The following PHACTR1 variants were observed in gnomAD, a reference collection of about 807,000 sequenced individuals.
The protein encoded by PHACTR1 is RPEL repeat containing 1.
Under a neutral mutation model 69.2 loss-of-function variants are expected in PHACTR1, and 16 were observed. The ratio of observed to expected loss-of-function variants is 0.23; its 90% confidence interval spans 0.16 to 0.35. The LOEUF (loss-of-function observed/expected upper bound fraction) is 0.35, where lower values mean the gene tolerates loss of function less well. Among genes scored for constraint, PHACTR1 ranks in the 10% least tolerant of loss-of-function variants. PHACTR1 has a pLI of 1.00. For synonymous variants in PHACTR1, 312 were observed against 284.5 expected, an observed-to-expected ratio of 1.10 and a Z score of -0.97; for missense variants, 510 against 734.7, an observed-to-expected ratio of 0.69 and a Z score of 3.54.
intron 4 of PHACTR1, among the ~76,000 whole-genome samples, chr6:12,883,104 A>T (rs1258575127): frequency 6.6e-6 from 1 of 152,180 alleles, no homozygotes; most frequent in Non-Finnish European, 1.5e-5. Context: ...AGTCAGAGTT[A>T]TGGAGTTGGG....
intron 10 of PHACTR1, among the ~76,000 whole-genome samples, chr6:13,250,392 C>T (rs79551355): frequency 1.2e-3 from 190 of 152,282 alleles, no homozygotes; most frequent in African/African-American, 4.4e-3. Flanking sequence ...AGTCCAGATC[C>T]GCCTGTGAAG....
chr6:12,739,375 G>C (rs1332495668), intron 3 of PHACTR1, among the ~76,000 whole-genome samples: 1 of 152,070 alleles, frequency 6.6e-6, no homozygotes. Context: ...ATGCTGATAT[G>C]TATAAAGACA....
intron 4 of PHACTR1, among the ~76,000 whole-genome samples, chr6:12,828,894 T>C (rs1051010285): frequency 6.6e-6 from 1 of 151,892 alleles, no homozygotes; most frequent in Non-Finnish European, 1.5e-5. Flanking sequence ...AGTTTTAGGG[T>C]TGTATAGTAC....
intron 4 of PHACTR1, among the ~76,000 whole-genome samples, chr6:12,822,256 G>A (rs928273059): frequency 6.6e-6 from 1 of 152,186 alleles, no homozygotes; most frequent in Non-Finnish European, 1.5e-5. Context: ...AACTGGCCTG[G>A]AGCTGTTCTA....
chr6:12,957,763 C>G, intron 4 of PHACTR1: 1 of 985,498 alleles, frequency 1.0e-6, no homozygotes, highest in Non-Finnish European at 1.2e-6. Flanking sequence ...TGAGTTGAAT[C>G]CATCCCCCGA....
intron 6 of PHACTR1, among the ~76,000 whole-genome samples, chr6:13,168,764 A>T (rs1481281413): frequency 6.6e-6 from 1 of 152,134 alleles, no homozygotes; most frequent in African/African-American, 2.4e-5. Context: ...AAGCTGAAGG[A>T]CCAGTCCAGT....
At chr6:12,962,259 G>A (rs970839019) in intron 4 of PHACTR1, among the ~76,000 whole-genome samples, 3 of 152,010 alleles carry the variant, frequency 2.0e-5, no homozygotes, top group East Asian at 1.9e-4. Flanking sequence ...AGTCATATTG[G>A]ATTATCCCTC....
intron 4 of PHACTR1, among the ~76,000 whole-genome samples, chr6:13,011,443 T>A (rs1219948316): frequency 6.6e-6 from 1 of 152,196 alleles, no homozygotes; most frequent in Non-Finnish European, 1.5e-5. Context: ...GTAAACTTCA[T>A]ACCTTTTATA....
intron 5 of PHACTR1, 119 bp from the exon 6 acceptor site, chr6:13,160,085 G>A: frequency 2.4e-6 from 2 of 849,084 alleles, no homozygotes; most frequent in South Asian, 1.4e-5. Context: ...CATTAGCAAA[G>A]CACGATTTAC....
chr6:13,218,037 A>G (rs2127264725), intron 8 of PHACTR1, among the ~76,000 whole-genome samples: 1 of 152,370 alleles, frequency 6.6e-6, no homozygotes, highest in East Asian at 1.9e-4. Flanking sequence ...TTTGTAGATA[A>G]TAAATTTTCT....
chr6:12,902,236 A>G (rs929353611), intron 4 of PHACTR1, among the ~76,000 whole-genome samples: 7 of 152,208 alleles, frequency 4.6e-5, no homozygotes, highest in Middle Eastern at 6.3e-3. Context: ...CAGCCTGGCC[A>G]AAATGGCGAA....
chr6:13,025,043 C>T (rs1427947320), intron 4 of PHACTR1, among the ~76,000 whole-genome samples: 1 of 152,014 alleles, frequency 6.6e-6, no homozygotes, highest in African/African-American at 2.4e-5. Context: ...ACTGCTTGAG[C>T]CCAGGAGTTC....
At chr6:12,808,848 C>G (rs1021752691) in intron 4 of PHACTR1, among the ~76,000 whole-genome samples, 1 of 151,142 alleles carries the variant, frequency 6.6e-6, no homozygotes, top group East Asian at 1.9e-4. Context: ...CCTCCTCCTC[C>G]TCCTTCTTCT....
intron 4 of PHACTR1, among the ~76,000 whole-genome samples, chr6:13,003,707 C>G (rs1268402669): frequency 2.0e-5 from 3 of 151,802 alleles, no homozygotes; most frequent in African/African-American, 7.3e-5. Flanking sequence ...ATAGTACCCA[C>G]TAAATAACTT....
intron 4 of PHACTR1, among the ~76,000 whole-genome samples, chr6:12,806,886 A>G (rs1774410633): frequency 6.6e-6 from 1 of 152,202 alleles, no homozygotes; most frequent in East Asian, 1.9e-4. Context: ...AGAATTGTGA[A>G]TTTGTTTGCA....
chr6:13,277,387 A>G (rs1779140164), intron 11 of PHACTR1, among the ~76,000 whole-genome samples: 2 of 152,214 alleles, frequency 1.3e-5, no homozygotes, highest in Non-Finnish European at 2.9e-5. Flanking sequence ...TGTGGACTTC[A>G]TGGAAGATTC....
intron 4 of PHACTR1, among the ~76,000 whole-genome samples, chr6:12,930,588 G>A (rs966725233): frequency 1.3e-4 from 20 of 152,200 alleles, no homozygotes; most frequent in Non-Finnish European, 2.2e-4. Context: ...AGAGAGCACA[G>A]GAGCCTGAAT....
At chr6:13,178,033 T>A (rs1257830439) in intron 6 of PHACTR1, among the ~76,000 whole-genome samples, 2 of 152,204 alleles carry the variant, frequency 1.3e-5, no homozygotes, top group Admixed American at 6.5e-5. Context: ...AAGAGGAGAG[T>A]AAGGCTGGCA....
chr6:12,981,678 G>T (rs993426428), intron 4 of PHACTR1, among the ~76,000 whole-genome samples: 1 of 152,064 alleles, frequency 6.6e-6, no homozygotes, highest in South Asian at 2.1e-4. Context: ...TCCCATCCTC[G>T]ATTGGACATG....
Sources: allele counts gnomAD v4.1 joint callset (sites outside exome capture counted in the v4.1 genomes callset), GRCh38; gene constraint gnomAD v4.1.1; transcripts MANE v1.5; gene names NCBI Gene and HGNC (gene_info 2026-07-23, HGNC 2026-07-21).